Variants in ACSBG2 observed in about 807,000 individuals in gnomAD.
ACSBG2 encodes the protein acyl-CoA synthetase bubblegum family member 2.
ACSBG2 carries 62 observed loss-of-function variants against 74.7 expected under a neutral mutation model. That is an observed-to-expected ratio of 0.83 (90% CI 0.68 to 1.03). The LOEUF is 1.03. ACSBG2 is among the 50% of genes least tolerant of loss of function. ACSBG2 has a pLI of 0.00. For missense variants in ACSBG2, 730 were observed against 817.6 expected (o/e 0.89, Z 1.31); for synonymous variants, 309 against 294.1 (o/e 1.05, Z -0.52).
chr19:6,141,034 C>T (rs1320798362), intron 1 of ACSBG2, among the ~76,000 whole-genome samples: 1 of 152,118 alleles, frequency 6.6e-6, no homozygotes, highest in Non-Finnish European at 1.5e-5. Context: ...GATGTATTGT[C>T]CACATCTTTC....
chr19:6,146,661 A>G (rs1055269401), intron 2 of ACSBG2, among the ~76,000 whole-genome samples: 1 of 152,138 alleles, frequency 6.6e-6, no homozygotes, highest in South Asian at 2.1e-4. Flanking sequence ...GCTACTCGGG[A>G]GGCTGAGGCA....
intron 1 of ACSBG2, among the ~76,000 whole-genome samples, chr19:6,138,734 G>T (rs1428899495): frequency 6.9e-6 from 1 of 145,500 alleles, no homozygotes; most frequent in Admixed American, 6.9e-5. Context: ...GGGAGGGAGA[G>T]AGGAAGGGTA....
chr19:6,158,304 G>T (rs557353363), intron 5 of ACSBG2, among the ~76,000 whole-genome samples: 7 of 151,938 alleles, frequency 4.6e-5, no homozygotes, highest in Admixed American at 2.6e-4. Flanking sequence ...TGATCTGCCC[G>T]CCTCGGTCTC....
In ACSBG2 at chr19:6,165,948, G is replaced by A. The variant is rs376063152; in HGVS notation, c.671G>A (p.Cys224Tyr). The change falls in exon 7 of 15, where the codon TGC becomes TAC. Residue 224 changes from cysteine to tyrosine, a missense_variant. Transcript: ENST00000588485. ...QVIESQKANQ[C>Y]AVLIYTSGTT... is the part of the protein sequence containing the mutation. Reference sequence around the variant, plus strand: ...ATCGAGAGCCAGAAGGCGAATCAATGCGCAGTGCTCATCTACACTTCAGGG... The same window carrying A: ...ATCGAGAGCCAGAAGGCGAATCAATACGCAGTGCTCATCTACACTTCAGGG... 2.5e-6 allele frequency: 4 copies of A among 1,613,844 alleles called. No homozygotes were observed. Among genetic ancestry groups the A allele is most frequent in the African/African-American group, 1.3e-5 (1 of 74,856 alleles).
chr19:6,161,171 C>G (rs1204614728), intron 5 of ACSBG2, 44 bp from the exon 6 acceptor site: 3 of 1,553,166 alleles, frequency 1.9e-6, no homozygotes, highest in Non-Finnish European at 1.8e-6. Flanking sequence ...TTAGTCTTTC[C>G]CAGGGCTGGG....
intron 13 of ACSBG2, chr19:6,190,174 C>G (rs74810484): frequency 0.033 from 6,226 of 188,372 alleles, 230 homozygotes; most frequent in African/African-American, 0.1. Flanking sequence ...GTCCTGGGCT[C>G]AGGGAGCAGA....
In ACSBG2 at chr19:6,161,216, T is replaced by G. The variant is rs1461176882; in HGVS notation, c.509T>G (p.Ile170Ser). The stretch of plus-strand genomic sequence containing the variant: ...AGCCCACAGGGAACTTTCTTTCAGA[T>G]TCCACAGAGCAGCCTAGAGCCCCTA... ...NDQQLQKILS[I>S]PQSSLEPLKA... The change falls in exon 6 of 15, where the codon ATT (isoleucine) becomes AGT (serine). Residue 170 changes from isoleucine (I) to serine (S), a missense_variant and splice_region_variant. Coordinates refer to ENST00000588485, the MANE Select transcript of ACSBG2 (RefSeq NM_030924.5). The G allele has an allele frequency of 9.9e-6, 16 of 1,613,252 alleles. No homozygotes were observed. Among genetic ancestry groups the G allele is most frequent in the Non-Finnish European group, 1.2e-5 (14 of 1,179,444 alleles).
chr19:6,190,826 C>T (rs1323660977), intron 14 of ACSBG2, 134 bp downstream of exon 14: 1 of 549,444 alleles, frequency 1.8e-6, no homozygotes. Flanking sequence ...CACACACACA[C>T]ACACACACAC....
At chr19:6,177,800 G>C (rs2090127558) in intron 8 of ACSBG2, among the ~76,000 whole-genome samples, 1 of 151,132 alleles carries the variant, frequency 6.6e-6, no homozygotes, top group Non-Finnish European at 1.5e-5. Flanking sequence ...TCCAAGTCAG[G>C]GCATCCATGT....
rs972466893 is a variant in ACSBG2 at position 6,149,435 on chromosome 19, T to C, written c.297+1760T>C. ...GGAGTTTTCCCCTAAGGATGCTCAC[T>C]TTTGTTTCTGAGTTTCCTGGTTCAT... On this transcript the variant is annotated intron_variant, in intron 3 of 14. Coordinates refer to ENST00000588485, the MANE Select transcript of ACSBG2 (RefSeq NM_030924.5). Among the ~76,000 whole-genome samples, 18 of 152,086 alleles carry C rather than the reference T, an allele frequency of 1.2e-4. 1 individual carries two copies. The highest frequency in any genetic ancestry group is 4.3e-4 in the African/African-American group (18 of 41,490).
At chr19:6,183,341 T>C (rs983739580) in intron 10 of ACSBG2, 69 bp downstream of exon 10, 1 of 1,358,262 alleles carries the variant, frequency 7.4e-7, no homozygotes, top group Non-Finnish European at 1.0e-6. Context: ...GGTGGGTGGA[T>C]AGATGGGCCT....
chr19:6,146,506 C>T (rs1218180448), intron 2 of ACSBG2, among the ~76,000 whole-genome samples: 3 of 151,296 alleles, frequency 2.0e-5, no homozygotes, highest in South Asian at 2.1e-4. Context: ...TGGCTCATGC[C>T]TGTAATCCCA....
intron 2 of ACSBG2, 49 bp downstream of exon 2, chr19:6,141,659 C>G (rs2088840321): frequency 8.3e-7 from 1 of 1,212,066 alleles, no homozygotes; most frequent in African/African-American, 1.5e-5. Context: ...ACATTGATTC[C>G]ACAAAGGCTC....
intron 6 of ACSBG2, among the ~76,000 whole-genome samples, chr19:6,163,225 A>G (rs370457836): frequency 0.34 from 24,046 of 71,062 alleles, 6,130 homozygotes; most frequent in Non-Finnish European, 0.44. Flanking sequence ...TGAGGCGGGC[A>G]GATCATGAGG....
intron 5 of ACSBG2, 116 bp from the exon 6 acceptor site, chr19:6,161,099 C>CAGA (rs2089594561): frequency 3.9e-6 from 2 of 516,776 alleles, no homozygotes; most frequent in Admixed American, 3.7e-5. Context: ...GACTGTGTCT[C>CAGA]AAAAAAAAAA....
Position 6,190,851 on chromosome 19 carries a change from A to ACT in ACSBG2, c.*35+162_*35+163dup, listed in dbSNP as rs1555698988. ...CACACACACACACACACACACACAC[A>ACT]CTCTTAGTTGCAGTGGATTCTGAGT... On this transcript the variant is annotated intron_variant, in intron 14 of 14. Transcript: ENST00000588485. 193 of 518,210 alleles carry ACT rather than the reference A, an allele frequency of 3.7e-4. 3 individuals carry two copies. Among genetic ancestry groups the ACT allele is most frequent in the South Asian group, 3.2e-3 (149 of 46,576 alleles). The allele number at this position is 518,210 out of a possible 1,614,324, so 32.1% of individuals were successfully genotyped here. A position where few individuals can be genotyped will look rare whatever the true frequency, so the allele number is the denominator to read the frequency against.
In ACSBG2 at chr19:6,185,477, A is replaced by G. The variant is rs2090379168; in HGVS notation, c.1364A>G (p.Gln455Arg). 2 of 1,614,102 alleles carry G rather than the reference A, an allele frequency of 1.2e-6. No homozygotes were observed. The highest frequency in any genetic ancestry group is 1.7e-6 in the Non-Finnish European group (2 of 1,180,050). ...ILTGCKNMLF[Q>R]QNKDGIGEIC... ...ACTGGGTGTAAGAATATGCTGTTCC[A>G]GCAGAACAAGGATGGCATTGGGGAG... is the stretch of plus-strand genomic sequence containing the variant. Residue 455 changes from glutamine to arginine, a missense_variant, in exon 11 of 15, where the codon CAG (glutamine) becomes CGG (arginine). Transcript: ENST00000588485.
At chr19:6,148,065 C>T (rs1014896153) in intron 3 of ACSBG2, among the ~76,000 whole-genome samples, 1 of 152,170 alleles carries the variant, frequency 6.6e-6, no homozygotes, top group African/African-American at 2.4e-5. Context: ...AAATGACAAA[C>T]ATTTATCATC....
At chr19:6,188,250 C>T (rs76207373) in intron 13 of ACSBG2, among the ~76,000 whole-genome samples, 12,701 of 152,202 alleles carry the variant, frequency 0.083, 932 homozygotes, top group African/African-American at 0.2. Context: ...GGCCTCTTCC[C>T]CCTCAGAGCA....
Sources: allele counts gnomAD v4.1 joint callset (sites outside exome capture counted in the v4.1 genomes callset), GRCh38; gene constraint gnomAD v4.1.1; transcripts MANE v1.5; gene names NCBI Gene and HGNC (gene_info 2026-07-23, HGNC 2026-07-21).